Variants in TRPC7 observed in about 807,000 individuals in gnomAD.
TRPC7 encodes transient receptor potential cation channel subfamily C member 7.
In TRPC7, 42 loss-of-function variants were observed where a neutral mutation model predicts 90.1. That is an observed-to-expected ratio of 0.47 (90% CI 0.36 to 0.60). The LOEUF (loss-of-function observed/expected upper bound fraction) is 0.60, where lower values mean the gene tolerates loss of function less well. Ranked by LOEUF, TRPC7 falls within the 20% of genes least tolerant of loss-of-function variation. TRPC7 has a pLI of 0.00. For missense variants in TRPC7, 955 were observed against 1,112.3 expected, an observed-to-expected ratio of 0.86 and a Z score of 2.01; for synonymous variants, 451 against 436.3, an observed-to-expected ratio of 1.03 and a Z score of -0.42.
intron 2 of TRPC7, among the ~76,000 whole-genome samples, chr5:136,323,692 C>T (rs1238714395): frequency 6.6e-6 from 1 of 152,168 alleles, no homozygotes; most frequent in Non-Finnish European, 1.5e-5. Context: ...GATCTATATG[C>T]TTATCCTTTC....
intron 2 of TRPC7, among the ~76,000 whole-genome samples, chr5:136,317,487 T>A (rs897642168): frequency 6.6e-6 from 1 of 152,174 alleles, no homozygotes; most frequent in Non-Finnish European, 1.5e-5. Context: ...GCTAATATAT[T>A]CTGCATAGCA....
At chr5:136,362,435 T>C (rs1487161330) in intron 1 of TRPC7, among the ~76,000 whole-genome samples, 1 of 152,158 alleles carries the variant, frequency 6.6e-6, no homozygotes, top group African/African-American at 2.4e-5. Context: ...GAATGAATTG[T>C]AAATATAAAC....
chr5:136,316,961 G>T (rs1424018345), intron 2 of TRPC7, among the ~76,000 whole-genome samples: 3 of 152,206 alleles, frequency 2.0e-5, no homozygotes, highest in Non-Finnish European at 4.4e-5. Flanking sequence ...AACTGCAGAA[G>T]CTCAGCCATT....
chr5:136,322,046 A>T (rs762262424), intron 2 of TRPC7, among the ~76,000 whole-genome samples: 3 of 151,112 alleles, frequency 2.0e-5, no homozygotes, highest in Non-Finnish European at 2.9e-5. Flanking sequence ...ACGGAGTTTC[A>T]CTCTGTTGTC....
intron 3 of TRPC7, among the ~76,000 whole-genome samples, chr5:136,309,737 A>G (rs1351019861): frequency 1.3e-5 from 2 of 152,256 alleles, no homozygotes; most frequent in Non-Finnish European, 2.9e-5. Flanking sequence ...TTCCTGAGGG[A>G]ATTCAGTTCC....
At chr5:136,250,142 A>G (rs1756473224) in intron 6 of TRPC7, among the ~76,000 whole-genome samples, 1 of 152,234 alleles carries the variant, frequency 6.6e-6, no homozygotes, top group African/African-American at 2.4e-5. Context: ...ATTTTGCTTT[A>G]AGAAAGTCTG....
At position 136,231,392 on chromosome 5, in the gene TRPC7, G is replaced by C. The variant is rs1222803245; in HGVS notation, c.2002C>G (p.Leu668Val). 6.2e-7 allele frequency: 1 copy of C among 1,606,490 alleles called. No individual in the cohort carries two copies. The highest frequency in any genetic ancestry group is 8.5e-7 in the Non-Finnish European group (1 of 1,174,002). ...VTMVVVLLNM[L>V]IAMINNSYQE... Reference sequence around the variant, plus strand: ...TAGGAGTTGTTTATCATGGCTATTAGCATGTTGAGCAACACTACCACCATG... The same window carrying C: ...TAGGAGTTGTTTATCATGGCTATTACCATGTTGAGCAACACTACCACCATG... The change falls in exon 8 of 12, where the codon CTA becomes GTA. Residue 668 changes from leucine (L) to valine (V), a missense_variant. Leu to Val is a conservative substitution (Grantham distance 32). This residue lies in a region of TRPC7 where 296 missense variants were observed against 422.7 expected (regional missense o/e 0.70). Coordinates refer to ENST00000513104, the MANE Select transcript of TRPC7 (RefSeq NM_020389.3).
At chr5:136,273,934 T>C (rs544662309) in intron 4 of TRPC7, among the ~76,000 whole-genome samples, 1 of 152,194 alleles carries the variant, frequency 6.6e-6, no homozygotes, top group African/African-American at 2.4e-5. Flanking sequence ...GATGTGGGGA[T>C]GGTGGAGCCG....
chr5:136,343,767 T>C (rs1214176662), intron 2 of TRPC7, among the ~76,000 whole-genome samples: 1 of 152,186 alleles, frequency 6.6e-6, no homozygotes, highest in Non-Finnish European at 1.5e-5. Flanking sequence ...TACTCCCTTT[T>C]TGCCCCTACA....
At chr5:136,282,823 G>A (rs1255082738) in intron 3 of TRPC7, among the ~76,000 whole-genome samples, 1 of 152,186 alleles carries the variant, frequency 6.6e-6, no homozygotes, top group East Asian at 1.9e-4. Context: ...CACCAGACAT[G>A]TATTAAATGC....
intron 2 of TRPC7, among the ~76,000 whole-genome samples, chr5:136,340,659 A>G (rs1759817104): frequency 6.6e-6 from 1 of 152,132 alleles, no homozygotes. Context: ...CACAAATAAG[A>G]AAGCATAAAA....
intron 2 of TRPC7, among the ~76,000 whole-genome samples, chr5:136,326,360 C>T (rs1331321621): frequency 6.6e-6 from 1 of 152,140 alleles, no homozygotes; most frequent in East Asian, 1.9e-4. Context: ...GGTTTAGCTA[C>T]AGTAATAGGA....
intron 2 of TRPC7, among the ~76,000 whole-genome samples, chr5:136,331,835 A>G (rs958923077): frequency 6.6e-6 from 1 of 152,114 alleles, no homozygotes; most frequent in Non-Finnish European, 1.5e-5. Context: ...TCACTCACCA[A>G]GTATTCCCCA....
At chr5:136,302,980 C>G (rs539300803) in intron 3 of TRPC7, among the ~76,000 whole-genome samples, 8 of 151,998 alleles carry the variant, frequency 5.3e-5, no homozygotes, top group Admixed American at 2.0e-4. Flanking sequence ...CTAGCCAGGC[C>G]GAGCTAGGTC....
At chr5:136,356,226 A>G (rs1760368314) in intron 2 of TRPC7, among the ~76,000 whole-genome samples, 1 of 152,216 alleles carries the variant, frequency 6.6e-6, no homozygotes, top group Admixed American at 6.5e-5. Flanking sequence ...AATAATCAAG[A>G]AGTCTAAGCC....
intron 7 of TRPC7, among the ~76,000 whole-genome samples, chr5:136,236,383 TCAAA>T (rs1755982561): frequency 6.6e-6 from 1 of 152,216 alleles, no homozygotes; most frequent in Non-Finnish European, 1.5e-5. Flanking sequence ...CTTCTAATCT[TCAAA>T]GATCATCACA....
At chr5:136,354,280 A>G (rs1483392026) in intron 2 of TRPC7, among the ~76,000 whole-genome samples, 2 of 152,200 alleles carry the variant, frequency 1.3e-5, no homozygotes, top group Non-Finnish European at 2.9e-5. Flanking sequence ...AAAAGAGGCT[A>G]TATTCCTTAA....
At chr5:136,342,869 T>A (rs993748824) in intron 2 of TRPC7, among the ~76,000 whole-genome samples, 1 of 151,974 alleles carries the variant, frequency 6.6e-6, no homozygotes, top group African/African-American at 2.4e-5. Context: ...CAAAACAAAG[T>A]CCTATGATGA....
At chr5:136,352,187 A>G (rs1760213944) in intron 2 of TRPC7, among the ~76,000 whole-genome samples, 1 of 152,180 alleles carries the variant, frequency 6.6e-6, no homozygotes, top group South Asian at 2.1e-4. Flanking sequence ...ATGAGAAAGC[A>G]AGAGAGATAC....
Sources: gnomAD v4.1 joint callset for allele counts (sites outside exome capture counted in the v4.1 genomes callset) on GRCh38, gnomAD v4.1.1 for gene constraint, gnomAD v4.1.1 regional missense constraint, MANE v1.5 for transcripts, NCBI Gene and HGNC (gene_info 2026-07-23, HGNC 2026-07-21) for gene names.